The following UMODL1 variants were observed in gnomAD, a reference collection of about 807,000 sequenced individuals.
UMODL1 encodes uromodulin-like 1.
Under a neutral mutation model 136.3 loss-of-function variants are expected in UMODL1, and 128 were observed. The ratio of observed to expected loss-of-function variants is 0.94; its 90% CI spans 0.81 to 1.09. The LOEUF is 1.09. Among genes scored for constraint, UMODL1 ranks in the 50% least tolerant of loss-of-function variants. The pLI, the probability that UMODL1 is intolerant of heterozygous loss-of-function variation, is 0.00. For synonymous variants in UMODL1, 721 were observed against 720.0 expected (o/e 1.00, Z -0.02); for missense variants, 1,766 against 1,725.6 (o/e 1.02, Z -0.41).
At chr21:42,140,269 T>C (rs756420228) in intron 22 of UMODL1, among the ~76,000 whole-genome samples, 59 of 148,894 alleles carry the variant, frequency 4.0e-4, no homozygotes, top group Non-Finnish European at 7.0e-4. Context: ...TCCTGTGTTA[T>C]AGATGGGAAT....
chr21:42,115,796 C>A (rs2066893986), intron 13 of UMODL1, 77 bp from the exon 14 acceptor site: 1 of 1,204,326 alleles, frequency 8.3e-7, no homozygotes, highest in African/African-American at 1.5e-5. Flanking sequence ...CATGAAAATA[C>A]ATTTATTAAT....
chr21:42,124,571 G>A (rs2067026385), intron 17 of UMODL1, among the ~76,000 whole-genome samples: 1 of 152,166 alleles, frequency 6.6e-6, no homozygotes, highest in Non-Finnish European at 1.5e-5. Flanking sequence ...ACACTCATGG[G>A]CAGGGTGGGG....
At chr21:42,104,741 C>T (rs112929826) in intron 9 of UMODL1, among the ~76,000 whole-genome samples, 4,636 of 152,292 alleles carry the variant, frequency 0.03, 101 homozygotes, top group Middle Eastern at 0.051. Context: ...TGAGCCACCG[C>T]GCCCGGCCTC....
rs575255132 is a variant in UMODL1 at position 42,138,855 on chromosome 21, G to T, written c.*21+1214G>T. On this transcript the variant is annotated intron_variant, in intron 22 of 22. Transcript: ENST00000408910. ...CTCTCAAAGTGCTGGGATTACAGGC[G>T]TGAGCCACCGTGCCCGGCCAAATTT... Among the ~76,000 whole-genome samples the T allele has an allele frequency of 5.3e-5, 8 of 152,258 alleles. No homozygotes were observed. In the East Asian group the frequency reaches 1.5e-3, roughly 29 times the overall value.
chr21:42,071,529 T>C (rs141113049), intron 1 of UMODL1, 137 bp downstream of exon 1: 24,229 of 912,096 alleles, frequency 0.027, 361 homozygotes, highest in Middle Eastern at 0.056. Flanking sequence ...TGTTCTTTTG[T>C]GGACAAGCTT....
chr21:42,068,352 C>T (rs1252021146), upstream of UMODL1, among the ~76,000 whole-genome samples: 1 of 152,142 alleles, frequency 6.6e-6, no homozygotes. The surrounding 1 kb of genome is among the most constrained non-coding windows in gnomAD (Gnocchi z 5.5). Context: ...TCTATATGTT[C>T]CCTCCCCATG....
chr21:42,122,546 CGTGT>C lies in UMODL1; in HGVS notation c.2828-276_2828-273del, dbSNP rs60399838. On this transcript the variant is annotated intron_variant, in intron 16 of 22. Transcript: ENST00000408910. The surrounding 1 kb of genome is among the most constrained non-coding windows in gnomAD (Gnocchi z 4.3). ...GAAATGTGCAACATGTGCATGTGTG[CGTGT>C]GTGTGTGTCTGCACGTGTGTGCGTG... Among the ~76,000 whole-genome samples the C allele has an allele frequency of 4.0e-5, 6 of 151,820 alleles. No homozygotes were observed. Among genetic ancestry groups the C allele is most frequent in the African/African-American group, 1.2e-4 (5 of 41,302 alleles).
chr21:42,077,258 G>T (rs965351706), intron 2 of UMODL1, among the ~76,000 whole-genome samples: 1 of 151,936 alleles, frequency 6.6e-6, no homozygotes, highest in African/African-American at 2.4e-5. Context: ...GTGCCACGAA[G>T]GGGATCCTGC....
intron 5 of UMODL1, 80 bp downstream of exon 5, chr21:42,088,560 G>A (rs2066454898): frequency 1.4e-6 from 2 of 1,381,006 alleles, no homozygotes; most frequent in Non-Finnish European, 9.7e-7. Flanking sequence ...GGACGCTAAA[G>A]CCAGACCAGT....
chr21:42,105,834 C>T (rs1304525763), intron 9 of UMODL1, among the ~76,000 whole-genome samples: 1 of 152,170 alleles, frequency 6.6e-6, no homozygotes, highest in African/African-American at 2.4e-5. Context: ...TCAGGCCCCC[C>T]AGCTGGTGTG....
chr21:42,137,463 G>A lies in UMODL1; in HGVS notation c.3800G>A (p.Gly1267Asp). The change falls in exon 22 of 23, where the codon GGC becomes GAC. Residue 1267 changes from glycine (G) to aspartate (D), a missense_variant. By Grantham distance (94) the Gly-to-Asp change is moderately conservative. Coordinates refer to ENST00000408910, the MANE Select transcript of UMODL1 (RefSeq NM_001004416.3). ...SEGEPPHAEA[G>D]LGAGYVVLIV... is the part of the protein sequence containing the mutation. ...GGTGAGCCTCCTCATGCAGAAGCAG[G>A]CCTGGGTGCCGGTTATGTGGTCCTT... is the stretch of plus-strand genomic sequence containing the variant. 1.2e-6 allele frequency: 2 copies of A among 1,614,272 alleles called. No homozygotes were observed. The highest frequency in any genetic ancestry group is 1.7e-6 in the Non-Finnish European group (2 of 1,180,052).
intron 6 of UMODL1, among the ~76,000 whole-genome samples, chr21:42,098,667 C>T (rs1369552656): frequency 2.0e-5 from 3 of 152,114 alleles, no homozygotes; most frequent in South Asian, 2.1e-4. Context: ...ACTCGGGAGG[C>T]TGAGGCAGAG....
chr21:42,093,900 C>A (rs758893101), intron 6 of UMODL1: 1 of 456,630 alleles, frequency 2.2e-6, no homozygotes, highest in African/African-American at 2.0e-5. Flanking sequence ...CTTAGAACTT[C>A]GCGCCACGTC....
At chr21:42,095,021 C>G (rs1235060789) in intron 6 of UMODL1, among the ~76,000 whole-genome samples, 2 of 150,090 alleles carry the variant, frequency 1.3e-5, no homozygotes, top group Non-Finnish European at 3.0e-5. Context: ...TTCCTTGCCT[C>G]TCTGCCCTCT....
At chr21:42,117,588 C>T (rs567247511) in intron 14 of UMODL1, among the ~76,000 whole-genome samples, 1 of 152,314 alleles carries the variant, frequency 6.6e-6, no homozygotes, top group East Asian at 1.9e-4. Flanking sequence ...TGAGTCTGAG[C>T]TCAGCACAGA....
At chr21:42,116,071 A>C in intron 14 of UMODL1, 86 bp downstream of exon 14, 1 of 1,120,126 alleles carries the variant, frequency 8.9e-7, no homozygotes, top group Non-Finnish European at 1.3e-6. Flanking sequence ...ACGGTGGCTC[A>C]CCCCTGTAAT....
chr21:42,063,778 G>A (rs11700552), intron 1 of UMODL1, among the ~76,000 whole-genome samples: 31,930 of 152,146 alleles, frequency 0.21, 3,682 homozygotes, highest in Non-Finnish European at 0.26. Context: ...ATTAGAGGGC[G>A]TGAGAGCCAC....
At chr21:42,124,050 C>T (rs1413096636) in intron 17 of UMODL1, among the ~76,000 whole-genome samples, 1 of 152,208 alleles carries the variant, frequency 6.6e-6, no homozygotes, top group Non-Finnish European at 1.5e-5. Flanking sequence ...TACTCTGAGC[C>T]TCTAGTGTGT....
intron 9 of UMODL1, among the ~76,000 whole-genome samples, chr21:42,106,282 C>T (rs886132633): frequency 6.6e-6 from 1 of 152,352 alleles, no homozygotes; most frequent in East Asian, 1.9e-4. Flanking sequence ...GAGAGCCCCA[C>T]CTTCACGGCG....
Sources: allele counts gnomAD v4.1 joint callset (sites outside exome capture counted in the v4.1 genomes callset), GRCh38; gene constraint gnomAD v4.1.1; non-coding constraint Gnocchi (gnomAD v3.1); transcripts MANE v1.5; gene names NCBI Gene and HGNC (gene_info 2026-07-23, HGNC 2026-07-21).